Variants in ANKRD44 observed in about 807,000 individuals in gnomAD.
ANKRD44 encodes the protein ankyrin repeat domain 44.
Under a neutral mutation model 116.0 loss-of-function variants are expected in ANKRD44, and 35 were observed. That is an observed-to-expected ratio of 0.30 (90% CI 0.23 to 0.40). The LOEUF is 0.40. Among genes scored for constraint, ANKRD44 ranks in the 10% least tolerant of loss-of-function variants. The pLI is 1.00. For synonymous variants in ANKRD44, 435 were observed against 461.8 expected, an observed-to-expected ratio of 0.94 and a Z score of 0.74; for missense variants, 1,014 against 1,242.6, an observed-to-expected ratio of 0.82 and a Z score of 2.77.
At position 197,000,565 on chromosome 2, in the gene ANKRD44, C is replaced by A; in HGVS notation, c.2436-63G>T. The A allele has an allele frequency of 1.1e-5, 14 of 1,288,792 alleles. 1 individual carries two copies. The highest frequency in any genetic ancestry group is 1.5e-5 in the Non-Finnish European group (13 of 886,664). 79.8% of individuals were successfully genotyped at this position (1,288,792 alleles called of 1,614,324 possible). A position where few individuals can be genotyped will look rare whatever the true frequency, so the allele number is the denominator to read the frequency against. ...CTTTTAAATTATATCACCTCCTAAC[C>A]CATCTTCCTATGTACTGTATATTTG... On this transcript the variant is annotated intron_variant, in intron 22 of 27. Transcript: ENST00000282272.
At chr2:196,970,451 G>A (rs1427492014) in intron 21 of ANKRD44, among the ~76,000 whole-genome samples, 1 of 152,170 alleles carries the variant, frequency 6.6e-6, no homozygotes, top group Non-Finnish European at 1.5e-5. Context: ...TCCTAAAACT[G>A]TGTATTCTTA....
intron 10 of ANKRD44, among the ~76,000 whole-genome samples, chr2:197,098,361 G>C (rs1376113571): frequency 6.6e-6 from 1 of 152,188 alleles, no homozygotes; most frequent in Non-Finnish European, 1.5e-5. Context: ...TGCCCTCTGT[G>C]AATCTGATTT....
intron 3 of ANKRD44, among the ~76,000 whole-genome samples, chr2:197,143,514 T>C (rs1040184197): frequency 3.9e-5 from 6 of 152,032 alleles, no homozygotes; most frequent in Admixed American, 6.5e-5. Flanking sequence ...TCCATGTCCC[T>C]ACAAAGGACA....
chr2:197,008,636 C>T (rs2076241899), intron 19 of ANKRD44, among the ~76,000 whole-genome samples: 1 of 152,142 alleles, frequency 6.6e-6, no homozygotes, highest in African/African-American at 2.4e-5. Flanking sequence ...GGTGTAGCAG[C>T]TTCAGAAGAA....
chr2:197,074,383 T>A (rs1201959366), intron 16 of ANKRD44, among the ~76,000 whole-genome samples: 3 of 110,124 alleles, frequency 2.7e-5, no homozygotes, highest in African/African-American at 1.0e-4. Flanking sequence ...TGTCCTTAGA[T>A]GACCACCCAG....
intron 1 of ANKRD44, among the ~76,000 whole-genome samples, chr2:197,300,323 A>G (rs902509997): frequency 5.9e-5 from 9 of 152,160 alleles, no homozygotes; most frequent in Non-Finnish European, 1.2e-4. Context: ...AGGTTACCTG[A>G]AAGGGACACA....
intron 1 of ANKRD44, among the ~76,000 whole-genome samples, chr2:197,269,748 T>C (rs1314253398): frequency 3.3e-5 from 5 of 152,008 alleles, no homozygotes; most frequent in African/African-American, 7.3e-5. Flanking sequence ...AAGTGGCCCA[T>C]GGGAGGTATA....
intron 4 of ANKRD44, among the ~76,000 whole-genome samples, chr2:197,130,269 A>G (rs1246493263): frequency 6.6e-6 from 1 of 152,254 alleles, no homozygotes; most frequent in African/African-American, 2.4e-5. Context: ...CTCACCCATT[A>G]TTTTAATTAT....
chr2:197,205,527 G>A (rs2081186047), intron 1 of ANKRD44, among the ~76,000 whole-genome samples: 1 of 152,190 alleles, frequency 6.6e-6, no homozygotes. Flanking sequence ...GGCCCAAGGT[G>A]ACTGCCAGTC....
chr2:197,212,048 T>A lies in ANKRD44; in HGVS notation c.28-24942A>T, dbSNP rs1179201847. ...CTCTCTCTCTCTCTCAGTCTCTCTC[T>A]CTCTCACACACACACACACACACAC... On this transcript the variant is annotated intron_variant, in intron 1 of 27. Coordinates refer to ENST00000282272, the MANE Select transcript of ANKRD44 (RefSeq NM_001195144.2). The surrounding 1 kb of genome is among the most constrained non-coding windows in gnomAD (Gnocchi z 4.8). 0.024 allele frequency among the ~76,000 whole-genome samples: 2,896 copies of A among 118,372 alleles called. 86 individuals carry two copies. Among genetic ancestry groups the A allele is most frequent in the African/African-American group, 0.069 (2,632 of 38,252 alleles). The allele number at this position is 118,372 out of a possible 152,430, so 77.7% of individuals were successfully genotyped here. A position where few individuals can be genotyped will look rare whatever the true frequency, so the allele number is the denominator to read the frequency against.
chr2:197,003,455 A>G (rs1341642600), intron 21 of ANKRD44, among the ~76,000 whole-genome samples: 1 of 152,224 alleles, frequency 6.6e-6, no homozygotes, highest in African/African-American at 2.4e-5. Context: ...GCATTCCTTA[A>G]GTGGGGACTA....
chr2:197,200,065 C>T (rs1322717016), intron 1 of ANKRD44, among the ~76,000 whole-genome samples: 1 of 152,134 alleles, frequency 6.6e-6, no homozygotes, highest in African/African-American at 2.4e-5. Flanking sequence ...ATAGTCCTTT[C>T]CTAAAAGACT....
intron 16 of ANKRD44, among the ~76,000 whole-genome samples, chr2:197,075,319 T>C (rs900292464): frequency 1.3e-5 from 2 of 152,176 alleles, no homozygotes; most frequent in African/African-American, 2.4e-5. Flanking sequence ...TTGATTTTTC[T>C]TTTCAGAGCC....
Position 197,147,549 on chromosome 2 carries a change from A to C in ANKRD44, c.112-444T>G, listed in dbSNP as rs1456078346. Reference sequence around the variant, plus strand: ...ACAAGGACATTAAACATTAAACATAACTGTGGTCATTTTCTCCTTTCTATG... The same window carrying C: ...ACAAGGACATTAAACATTAAACATACCTGTGGTCATTTTCTCCTTTCTATG... On this transcript the variant is annotated intron_variant, in intron 2 of 27. Transcript: ENST00000282272. Among the ~76,000 whole-genome samples the C allele has an allele frequency of 2.0e-5, 3 of 152,260 alleles. No homozygotes were observed. In the South Asian group the frequency reaches 6.2e-4, roughly 32 times the overall value.
chr2:197,229,455 A>T (rs2081803212), intron 1 of ANKRD44, among the ~76,000 whole-genome samples: 1 of 152,240 alleles, frequency 6.6e-6, no homozygotes, highest in African/African-American at 2.4e-5. Context: ...AAGGAGTTAT[A>T]ATAACTCTAG....
intron 16 of ANKRD44, among the ~76,000 whole-genome samples, chr2:197,046,330 G>A (rs10193401): frequency 0.049 from 7,452 of 152,040 alleles, 607 homozygotes; most frequent in African/African-American, 0.17. Context: ...ATTCGTAATC[G>A]GCAAAATCTT....
intron 21 of ANKRD44, among the ~76,000 whole-genome samples, chr2:196,971,953 C>G (rs1489169790): frequency 6.6e-6 from 1 of 152,220 alleles, no homozygotes; most frequent in Non-Finnish European, 1.5e-5. Flanking sequence ...TATCCCAGCT[C>G]TGTCCTCTTG....
chr2:197,272,568 A>G (rs1378673994), intron 1 of ANKRD44, among the ~76,000 whole-genome samples: 1 of 152,176 alleles, frequency 6.6e-6, no homozygotes, highest in Admixed American at 6.6e-5. Flanking sequence ...CCCAGTTGAT[A>G]TTTTGTTTTA....
At chr2:197,001,418 T>G (rs922156029) in intron 22 of ANKRD44, among the ~76,000 whole-genome samples, 2 of 152,358 alleles carry the variant, frequency 1.3e-5, no homozygotes, top group South Asian at 4.1e-4. Flanking sequence ...TCTGTAGGCA[T>G]ACTGTTGTCA....
Sources: gnomAD v4.1 joint callset for allele counts (sites outside exome capture counted in the v4.1 genomes callset) on GRCh38, gnomAD v4.1.1 for gene constraint, Gnocchi (gnomAD v3.1) non-coding constraint, MANE v1.5 for transcripts, NCBI Gene and HGNC (gene_info 2026-07-23, HGNC 2026-07-21) for gene names.